Variants in PRMT7 observed in about 807,000 individuals in gnomAD.
The protein encoded by PRMT7 is protein arginine methyltransferase 7.
PRMT7 carries 75 observed loss-of-function variants against 85.4 expected under a neutral mutation model. That is an observed-to-expected ratio of 0.88 (90% CI 0.73 to 1.06). The LOEUF is 1.06. PRMT7 is among the 50% of genes least tolerant of loss of function. The pLI is 0.00. For synonymous variants in PRMT7, 397 were observed against 359.5 expected (o/e 1.10, Z -1.18); for missense variants, 868 against 915.2 (o/e 0.95, Z 0.67).
chr16:68,338,941 C>T (rs1339184794), intron 7 of PRMT7, among the ~76,000 whole-genome samples: 1 of 152,134 alleles, frequency 6.6e-6, no homozygotes, highest in Non-Finnish European at 1.5e-5. Flanking sequence ...GCTGAGGGGG[C>T]ACCGTGGTCC....
intron 12 of PRMT7, 105 bp downstream of exon 12, chr16:68,347,399 C>T: frequency 1.6e-6 from 2 of 1,219,454 alleles, no homozygotes; most frequent in Non-Finnish European, 1.1e-6. Flanking sequence ...GCAAAGGCCA[C>T]TGTTGTGGGC....
At position 68,352,294 on chromosome 16, in the gene PRMT7, C is replaced by CGTGGCACA; in HGVS notation, c.1461_1468dup (p.Asn490SerfsTer24). On this transcript the variant is annotated frameshift_variant, in exon 15 of 19. Transcript: ENST00000441236. LOFTEE classifies it high-confidence loss of function. The stretch of plus-strand genomic sequence containing the variant: ...CCGTTCTTCACTACCAGCCTGCTGC[C>CGTGGCACA]GTGGCACAACCTCTACTTCTGGTAC... 4 of 1,613,672 alleles carry CGTGGCACA rather than the reference C, an allele frequency of 2.5e-6. No homozygotes were observed. In the South Asian group the frequency reaches 3.3e-5, roughly 13 times the overall value.
chr16:68,339,195 T>C, intron 7 of PRMT7, 127 bp from the exon 8 acceptor site: 1 of 1,188,268 alleles, frequency 8.4e-7, no homozygotes, highest in Non-Finnish European at 1.2e-6. Flanking sequence ...ACTATTCTAA[T>C]AGTATAAGGT....
chr16:68,314,001 G>A (rs1256074132), intron 2 of PRMT7, among the ~76,000 whole-genome samples: 1 of 152,208 alleles, frequency 6.6e-6, no homozygotes, highest in African/African-American at 2.4e-5. Flanking sequence ...TAGGAAGTCA[G>A]TATTGTTTTG....
intron 9 of PRMT7, among the ~76,000 whole-genome samples, chr16:68,340,580 C>CT (rs1407645138): frequency 1.2e-5 from 1 of 85,268 alleles, no homozygotes; most frequent in Non-Finnish European, 2.3e-5. Context: ...GAACCTGTCT[C>CT]TAAAAAAAAA....
At chr16:68,325,426 G>C (rs2082989881) in intron 5 of PRMT7, among the ~76,000 whole-genome samples, 1 of 152,110 alleles carries the variant, frequency 6.6e-6, no homozygotes, top group African/African-American at 2.4e-5. Flanking sequence ...GTAGGGGAAA[G>C]TATTTAAATA....
At chr16:68,320,664 A>G (rs1158271638) in intron 3 of PRMT7, among the ~76,000 whole-genome samples, 1 of 152,182 alleles carries the variant, frequency 6.6e-6, no homozygotes, top group African/African-American at 2.4e-5. Flanking sequence ...AGATTTGTTT[A>G]TGACCAGTTT....
At chr16:68,347,460 C>A (rs555286690) in intron 12 of PRMT7, among the ~76,000 whole-genome samples, 166 bp downstream of exon 12, 6 of 152,298 alleles carry the variant, frequency 3.9e-5, no homozygotes, top group African/African-American at 1.4e-4. Flanking sequence ...TGCGTGCAGG[C>A]AGGCGTCAGG....
intron 3 of PRMT7, among the ~76,000 whole-genome samples, chr16:68,320,390 T>G (rs1192540898): frequency 3.2e-4 from 48 of 152,254 alleles, no homozygotes; most frequent in Non-Finnish European, 1.5e-5. Flanking sequence ...TACCTACATA[T>G]TTATTGACAG....
At chr16:68,323,527 T>A (rs924152170) in intron 4 of PRMT7, among the ~76,000 whole-genome samples, 1 of 152,186 alleles carries the variant, frequency 6.6e-6, no homozygotes, top group African/African-American at 2.4e-5. Context: ...GCCTGGTAAT[T>A]CTAAAGAATA....
At chr16:68,311,283 T>C (rs1214841696) in intron 1 of PRMT7, 184 bp downstream of exon 1, 1 of 380,716 alleles carries the variant, frequency 2.6e-6, no homozygotes, top group Non-Finnish European at 4.9e-6. Flanking sequence ...TGGCCCCGGC[T>C]CTGCAGTGCA....
chr16:68,333,079 G>A (rs1002966101), intron 6 of PRMT7, among the ~76,000 whole-genome samples: 8 of 152,098 alleles, frequency 5.3e-5, no homozygotes, highest in Admixed American at 2.6e-4. Flanking sequence ...CTGCAGCCTC[G>A]ACTTCTGGGC....
chr16:68,313,111 C>T (rs2044171471), intron 2 of PRMT7, among the ~76,000 whole-genome samples: 1 of 152,224 alleles, frequency 6.6e-6, no homozygotes. Context: ...AGGCGTGAGT[C>T]ACCGTGCCTG....
At position 68,352,295 on chromosome 16, in the gene PRMT7, G is replaced by C. The variant is rs373047722; in HGVS notation, c.1461G>C (p.Pro487=). 4 of 1,613,674 alleles carry C rather than the reference G, an allele frequency of 2.5e-6. No individual in the cohort carries two copies. Among genetic ancestry groups the C allele is most frequent in the Admixed American group, 3.3e-5 (2 of 60,020 alleles). Reference sequence around the variant, plus strand: ...CGTTCTTCACTACCAGCCTGCTGCCGTGGCACAACCTCTACTTCTGGTACG... The same window carrying C: ...CGTTCTTCACTACCAGCCTGCTGCCCTGGCACAACCTCTACTTCTGGTACG... ...GEPFFTTSLL[P]WHNLYFWYVR... The change falls in exon 15 of 19, where the codon CCG becomes CCC. Residue 487 remains proline (P), a synonymous_variant. Coordinates refer to ENST00000441236, the MANE Select transcript of PRMT7 (RefSeq NM_019023.5).
rs777236063 is a variant in PRMT7, at chr16:68,352,339, A to T, written c.1505A>T (p.Gln502Leu). The T allele has an allele frequency of 1.2e-6, 2 of 1,612,374 alleles. No individual in the cohort carries two copies. Among genetic ancestry groups the T allele is most frequent in the South Asian group, 2.2e-5 (2 of 91,082 alleles). Residue 502 changes from glutamine to leucine, a missense_variant, in exon 15 of 19, where the codon CAG (glutamine) becomes CTG (leucine). Gln to Leu is a moderately radical substitution (Grantham distance 113). Transcript: ENST00000441236. ...TGGTACGTGCGGACCGCTGTGGACC[A>T]GCACCTGGGGCCAGGTGCCATGGTG... ...YFWYVRTAVDQHLGPGAMVMP... is the reference protein window; with the variant it reads ...YFWYVRTAVDLHLGPGAMVMP...
At position 68,311,065 on chromosome 16, in the gene PRMT7, A is replaced by G. The variant is rs1433250565; in HGVS notation, c.-253A>G. 2 of 818,854 alleles carry G rather than the reference A, an allele frequency of 2.4e-6. No homozygotes were observed. Among genetic ancestry groups the G allele is most frequent in the Admixed American group, 2.0e-5 (1 of 49,752 alleles). The allele number at this position is 818,854 out of a possible 1,614,324, so 50.7% of individuals were successfully genotyped here. Reference sequence around the variant, plus strand: ...GCGTGCTGGCCGCGGTAAAAGTGGTAGCAGCGGAGGCGAGCGGAGGGTTTC... The same window carrying G: ...GCGTGCTGGCCGCGGTAAAAGTGGTGGCAGCGGAGGCGAGCGGAGGGTTTC... On this transcript the variant is annotated 5_prime_UTR_variant, in exon 1 of 19. Coordinates refer to ENST00000441236, the MANE Select transcript of PRMT7 (RefSeq NM_019023.5).
At chr16:68,313,114 C>T (rs569605914) in intron 2 of PRMT7, among the ~76,000 whole-genome samples, 7 of 152,326 alleles carry the variant, frequency 4.6e-5, no homozygotes, top group Admixed American at 3.3e-4. Context: ...CGTGAGTCAC[C>T]GTGCCTGGGC....
At chr16:68,315,001 G>A (rs550278585) in intron 2 of PRMT7, among the ~76,000 whole-genome samples, 33 of 152,042 alleles carry the variant, frequency 2.2e-4, no homozygotes, top group African/African-American at 7.2e-4. Context: ...GTATTAGCTG[G>A]GTGTGGGGCA....
chr16:68,328,581 A>G (rs565286918), intron 5 of PRMT7: 12 of 162,130 alleles, frequency 7.4e-5, no homozygotes, highest in South Asian at 3.3e-4. Flanking sequence ...GCATCCACCA[A>G]GGGTCTTAAA....
Sources: allele counts gnomAD v4.1 joint callset (sites outside exome capture counted in the v4.1 genomes callset), GRCh38; gene constraint gnomAD v4.1.1; transcripts MANE v1.5; gene names NCBI Gene and HGNC (gene_info 2026-07-23, HGNC 2026-07-21).